Variants in MMRN1 observed in about 807,000 individuals in gnomAD.
The protein encoded by MMRN1 is multimerin 1.
A neutral mutation model predicts 100.7 loss-of-function variants in MMRN1; 94 were observed. The observed-to-expected ratio is 0.93, with a 90% CI of 0.79 to 1.11. MMRN1 has a LOEUF of 1.11. MMRN1 is among the 50% of genes least tolerant of loss of function. The pLI is 0.00. For missense variants in MMRN1, 1,606 were observed against 1,439.1 expected (o/e 1.12, Z -1.88); for synonymous variants, 575 against 505.0 (o/e 1.14, Z -1.86).
rs1351693381 is a variant in MMRN1 at position 89,936,435 on chromosome 4, T to C, written c.2755T>C (p.Ser919Pro). 5 of 1,610,194 alleles carry C rather than the reference T, an allele frequency of 3.1e-6. No individual in the cohort carries two copies. The Admixed American group carries it at 8.4e-5, about 27-fold the overall frequency. Reference sequence around the variant, plus strand: ...TATCCATCTTTCAATTAACTTCTTTTCGCTTAACAAAACTCTCCACGAAGT... The same window carrying C: ...TATCCATCTTTCAATTAACTTCTTTCCGCTTAACAAAACTCTCCACGAAGT... The part of the protein sequence containing the change: ...KSIHLSINFF[S>P]LNKTLHEVLT... The change falls in exon 6 of 8, where the codon TCG becomes CCG. Residue 919 changes from serine to proline, a missense_variant. Physicochemically the swap from Ser to Pro is moderately conservative, Grantham distance 74. Coordinates refer to ENST00000264790, the MANE Select transcript of MMRN1 (RefSeq NM_007351.3).
At chr4:89,932,502 C>A (rs1416503465) in intron 5 of MMRN1, among the ~76,000 whole-genome samples, 2 of 152,196 alleles carry the variant, frequency 1.3e-5, no homozygotes, top group African/African-American at 2.4e-5. Context: ...CCTTCTGCAC[C>A]ACCCTAGCAG....
chr4:89,883,213 A>G (rs1205255058), intron 1 of MMRN1, among the ~76,000 whole-genome samples: 1 of 152,104 alleles, frequency 6.6e-6, no homozygotes, highest in East Asian at 1.9e-4. Context: ...ATTCTTGAAC[A>G]AGTCTTTTTG....
At chr4:89,922,469 C>T (rs899347859) in intron 3 of MMRN1, among the ~76,000 whole-genome samples, 10 of 152,004 alleles carry the variant, frequency 6.6e-5, no homozygotes, top group South Asian at 2.1e-4. Flanking sequence ...AACTATATTG[C>T]CATTTAAAAT....
intron 3 of MMRN1, among the ~76,000 whole-genome samples, chr4:89,913,814 G>T (rs927630878): frequency 6.6e-6 from 1 of 151,170 alleles, no homozygotes; most frequent in Non-Finnish European, 1.5e-5. Context: ...CATAATTCAG[G>T]TATCTGCTGA....
intron 5 of MMRN1, among the ~76,000 whole-genome samples, chr4:89,933,609 T>G (rs895326512): frequency 1.3e-5 from 2 of 152,198 alleles, no homozygotes; most frequent in African/African-American, 4.8e-5. Flanking sequence ...AGCCACATCT[T>G]ACACGGCGAC....
rs149760613 is a variant in MMRN1 at position 89,899,013 on chromosome 4, G to T, written c.623+3419G>T. On this transcript the variant is annotated intron_variant, in intron 1 of 7. Transcript: ENST00000264790. The stretch of plus-strand genomic sequence containing the variant: ...TTAATATGTGAATATAAAGAAGAAA[G>T]CTTCCCAAATATTTGCATTTGTTTA... Among the ~76,000 whole-genome samples the T allele has an allele frequency of 2.3e-3, 348 of 152,132 alleles. 1 individual carries two copies. The highest frequency in any genetic ancestry group is 8.0e-3 in the African/African-American group (333 of 41,506).
chr4:89,889,367 G>A (rs1298510615), intron 1 of MMRN1, among the ~76,000 whole-genome samples: 1 of 152,060 alleles, frequency 6.6e-6, no homozygotes, highest in Non-Finnish European at 1.5e-5. Context: ...GGCGTCGAGG[G>A]CCTTAACCCA....
intron 2 of MMRN1, 30 bp downstream of exon 2, chr4:89,909,425 GT>G: frequency 6.2e-7 from 1 of 1,605,328 alleles, no homozygotes; most frequent in Non-Finnish European, 8.5e-7. Flanking sequence ...AATAGCCACT[GT>G]TTTTGCACCA....
upstream of MMRN1, among the ~76,000 whole-genome samples, chr4:89,892,993 T>C (rs1049888478): frequency 6.6e-6 from 1 of 152,128 alleles, no homozygotes; most frequent in African/African-American, 2.4e-5. Flanking sequence ...AATAGGAACA[T>C]TTTTCCTAAA....
chr4:89,899,265 G>A (rs2110583128), intron 1 of MMRN1, among the ~76,000 whole-genome samples: 1 of 151,554 alleles, frequency 6.6e-6, no homozygotes, highest in African/African-American at 2.4e-5. Flanking sequence ...ATGGTTTCCT[G>A]TCTGGCAGAG....
intron 3 of MMRN1, among the ~76,000 whole-genome samples, chr4:89,913,740 G>A (rs1029048196): frequency 1.3e-5 from 2 of 151,016 alleles, no homozygotes; most frequent in Admixed American, 1.3e-4. Flanking sequence ...ATTTCCAGTG[G>A]CAAAAATGTC....
chr4:89,882,028 C>G (rs1720830575), intron 1 of MMRN1, among the ~76,000 whole-genome samples: 1 of 151,804 alleles, frequency 6.6e-6, no homozygotes, highest in Admixed American at 6.6e-5. Context: ...AAATAACCCT[C>G]TCAGAAAGAT....
Position 89,936,087 on chromosome 4 carries a change from G to T in MMRN1, c.2407G>T (p.Ala803Ser). 1.2e-6 allele frequency: 2 copies of T among 1,611,968 alleles called. No individual in the cohort carries two copies. Among genetic ancestry groups the T allele is most frequent in the South Asian group, 2.2e-5 (2 of 90,664 alleles). Residue 803 changes from alanine to serine, a missense_variant, in exon 6 of 8, where the codon GCC becomes TCC. Transcript: ENST00000264790. ...NQRYNFVLQV[A>S]KTLAGIPRDE... ...GAGATATAACTTTGTTTTGCAAGTC[G>T]CCAAGACCCTTGCAGGTATTCCCAG...
At chr4:89,887,780 A>G (rs986684865) in intron 1 of MMRN1, among the ~76,000 whole-genome samples, 7 of 151,984 alleles carry the variant, frequency 4.6e-5, no homozygotes, top group Non-Finnish European at 1.0e-4. Flanking sequence ...AATTCCATTT[A>G]CACACCTGCA....
intron 6 of MMRN1, among the ~76,000 whole-genome samples, chr4:89,946,648 G>C (rs1230337908): frequency 1.3e-5 from 2 of 151,908 alleles, no homozygotes; most frequent in Admixed American, 1.3e-4. Context: ...TACATTAATC[G>C]AGTAATTATA....
chr4:89,904,389 C>T lies in MMRN1; in HGVS notation c.624-4887C>T, dbSNP rs148261264. On this transcript the variant is annotated intron_variant, in intron 1 of 7. Transcript: ENST00000264790. ...TCATCACTGCCATCTATTTCTGGAA[C>T]GTTTTCATCTTCCCAAACTGAAGCT... is the stretch of plus-strand genomic sequence containing the variant. Among the ~76,000 whole-genome samples the T allele has an allele frequency of 2.0e-5, 3 of 151,648 alleles. No individual in the cohort carries two copies. The South Asian group carries it at 6.2e-4, about 32-fold the overall frequency.
chr4:89,889,073 C>T (rs1720995679), intron 1 of MMRN1, among the ~76,000 whole-genome samples: 1 of 152,098 alleles, frequency 6.6e-6, no homozygotes, highest in Admixed American at 6.6e-5. Context: ...ATTCTGTTAG[C>T]CGTTTAGTGT....
chr4:89,933,622 G>C (rs1722510372), intron 5 of MMRN1, among the ~76,000 whole-genome samples: 1 of 152,156 alleles, frequency 6.6e-6, no homozygotes. Flanking sequence ...ACGGCGACAA[G>C]CAAGACAGCA....
At chr4:89,924,027 C>A (rs886067355) in intron 4 of MMRN1, among the ~76,000 whole-genome samples, 2 of 152,100 alleles carry the variant, frequency 1.3e-5, no homozygotes, top group African/African-American at 2.4e-5. Context: ...TGAATTACTG[C>A]AATACATGTG....
Sources: allele counts gnomAD v4.1 joint callset (sites outside exome capture counted in the v4.1 genomes callset), GRCh38; gene constraint gnomAD v4.1.1; transcripts MANE v1.5; gene names NCBI Gene and HGNC (gene_info 2026-07-23, HGNC 2026-07-21).